The following ASXL3 variants were observed in gnomAD, a reference collection of about 807,000 sequenced individuals.
The protein encoded by ASXL3 is ASXL transcriptional regulator 3, also known as putative Polycomb group protein ASXL3.
Under a neutral mutation model 170.6 loss-of-function variants are expected in ASXL3, and 34 were observed. The ratio of observed to expected loss-of-function variants is 0.20; its 90% CI spans 0.15 to 0.27. The LOEUF (loss-of-function observed/expected upper bound fraction) is 0.27, where lower values mean the gene tolerates loss of function less well. Ranked by LOEUF, ASXL3 falls within the 10% of genes least tolerant of loss-of-function variation. The pLI is 1.00. For synonymous variants in ASXL3, 1,002 were observed against 989.1 expected, an observed-to-expected ratio of 1.01 and a Z score of -0.24; for missense variants, 2,592 against 2,695.3, an observed-to-expected ratio of 0.96 and a Z score of 0.85.
intron 1 of ASXL3, among the ~76,000 whole-genome samples, chr18:33,597,768 A>G (rs2065142060): frequency 1.3e-5 from 2 of 149,418 alleles, no homozygotes; most frequent in Admixed American, 1.3e-4. Flanking sequence ...GAATTAATGT[A>G]TTGGTGTCTC....
chr18:33,578,260 G>A lies in ASXL3; in HGVS notation c.-372G>A, dbSNP rs1413137106. On this transcript the variant is annotated 5_prime_UTR_variant, in exon 1 of 12. Transcript: ENST00000269197. ...AGCGGGGCCGAGCGGAGCATCCCCG[G>A]AGCTGTCACCGCAGCGGCCGCGGCG... is the stretch of plus-strand genomic sequence containing the variant. 6.7e-6 allele frequency: 1 copy of A among 150,132 alleles called. No individual in the cohort carries two copies. The highest frequency in any genetic ancestry group is 1.5e-5 in the Non-Finnish European group (1 of 67,458). The allele number at this position is 150,132 out of a possible 1,614,324, so 9.3% of individuals were successfully genotyped here.
At chr18:33,638,799 T>A (rs950109519) in intron 2 of ASXL3, among the ~76,000 whole-genome samples, 2 of 152,150 alleles carry the variant, frequency 1.3e-5, no homozygotes, top group Non-Finnish European at 2.9e-5. Context: ...TAGATAATAG[T>A]TGTGAAAGCC....
At chr18:33,738,101 T>G (rs2067579203) in intron 10 of ASXL3, among the ~76,000 whole-genome samples, 2 of 152,066 alleles carry the variant, frequency 1.3e-5, no homozygotes, top group Non-Finnish European at 2.9e-5. Context: ...GAGTTTTAGT[T>G]GAGATTATAA....
At chr18:33,580,879 A>G (rs1263902227) in intron 1 of ASXL3, among the ~76,000 whole-genome samples, 1 of 152,184 alleles carries the variant, frequency 6.6e-6, no homozygotes, top group Non-Finnish European at 1.5e-5. Context: ...ATAAATGTGT[A>G]TGTATTCAAA....
chr18:33,682,067 G>C (rs1568324907), intron 7 of ASXL3, among the ~76,000 whole-genome samples: 2 of 151,964 alleles, frequency 1.3e-5, no homozygotes, highest in Admixed American at 1.3e-4. Context: ...TTTGTCTTTA[G>C]TTATTTAAAA....
At chr18:33,665,758 T>G (rs546025099) in intron 5 of ASXL3, among the ~76,000 whole-genome samples, 1 of 149,790 alleles carries the variant, frequency 6.7e-6, no homozygotes, top group African/African-American at 2.4e-5. Context: ...TATTTAAAGG[T>G]TTTTTTTTTC....
chr18:33,703,805 A>G (rs1226595849), intron 8 of ASXL3, among the ~76,000 whole-genome samples: 1 of 152,098 alleles, frequency 6.6e-6, no homozygotes, highest in Non-Finnish European at 1.5e-5. Context: ...ATTTAGCAGA[A>G]TTTTTGAATA....
intron 4 of ASXL3, among the ~76,000 whole-genome samples, chr18:33,647,648 G>A (rs1036614655): frequency 1.3e-5 from 2 of 152,048 alleles, no homozygotes; most frequent in African/African-American, 4.8e-5. Flanking sequence ...ACTCTTGCCT[G>A]GGTGAGCGCT....
chr18:33,696,275 AT>A (rs1266701482), intron 8 of ASXL3, among the ~76,000 whole-genome samples: 2 of 152,178 alleles, frequency 1.3e-5, no homozygotes, highest in Admixed American at 6.6e-5. Flanking sequence ...GTTAAAGTTC[AT>A]TGTAAAGGAA....
chr18:33,721,246 T>C (rs921008153), intron 8 of ASXL3, among the ~76,000 whole-genome samples: 4 of 152,038 alleles, frequency 2.6e-5, no homozygotes, highest in Admixed American at 2.0e-4. Context: ...AGACAGGTCA[T>C]GTGGTGGGAT....
chr18:33,685,974 A>G (rs1314877004), intron 8 of ASXL3, among the ~76,000 whole-genome samples: 1 of 152,272 alleles, frequency 6.6e-6, no homozygotes, highest in Non-Finnish European at 1.5e-5. Context: ...CCCCCAAAAC[A>G]TATCAACAAT....
chr18:33,581,880 A>G (rs1031043773), intron 1 of ASXL3, among the ~76,000 whole-genome samples: 89 of 152,328 alleles, frequency 5.8e-4, no homozygotes, highest in African/African-American at 1.9e-3. Flanking sequence ...TCAGGAATGC[A>G]GTGATTATTA....
rs1195375418 is a variant in ASXL3, at chr18:33,713,233, T to TTTTTGTTTTG, written c.880-18725_880-18716dup. 2.1e-3 allele frequency among the ~76,000 whole-genome samples: 156 copies of TTTTTGTTTTG among 74,840 alleles called. 2 individuals carry two copies. Among genetic ancestry groups the TTTTTGTTTTG allele is most frequent in the African/African-American group, 0.011 (139 of 13,094 alleles). The allele number at this position is 74,840 out of a possible 152,430, so 49.1% of individuals were successfully genotyped here. On this transcript the variant is annotated intron_variant, in intron 8 of 11. Coordinates refer to ENST00000269197, the MANE Select transcript of ASXL3 (RefSeq NM_030632.3). ...TTAGCAATCTACCACAAGAAGGTTT[T>TTTTTGTTTTG]TTTTGTTTTGTTTTGTTTTTTTTTT...
At chr18:33,597,333 A>G (rs2065137314) in intron 1 of ASXL3, among the ~76,000 whole-genome samples, 1 of 152,036 alleles carries the variant, frequency 6.6e-6, no homozygotes, top group Admixed American at 6.6e-5. Flanking sequence ...GTTCTTCAAC[A>G]TGTTTATTTT....
chr18:33,680,682 T>C (rs1320778183), intron 7 of ASXL3, among the ~76,000 whole-genome samples: 1 of 152,054 alleles, frequency 6.6e-6, no homozygotes, highest in Non-Finnish European at 1.5e-5. Context: ...AAATTATTCC[T>C]TATACACTTA....
intron 2 of ASXL3, 142 bp downstream of exon 2, chr18:33,607,818 G>A (rs946307734): frequency 1.9e-5 from 13 of 699,952 alleles, no homozygotes; most frequent in East Asian, 8.2e-5. Context: ...TTAAGAAATC[G>A]TTGGATGATT....
intron 9 of ASXL3, among the ~76,000 whole-genome samples, chr18:33,734,108 C>CTTCTAAAGCATTTAGCTTTAGCATTT (rs2067503239): frequency 6.9e-6 from 1 of 144,776 alleles, no homozygotes; most frequent in Admixed American, 6.8e-5. Context: ...CTTTAGCATT[C>CTTCTAAAGCATTTAGCTTTAGCATTT]TTCTAAAGCA....
chr18:33,716,481 A>C (rs2067167383), intron 8 of ASXL3, among the ~76,000 whole-genome samples: 2 of 152,194 alleles, frequency 1.3e-5, no homozygotes, highest in Admixed American at 1.3e-4. Context: ...AAAAGCATGA[A>C]GGTTTGACAT....
chr18:33,632,291 T>G (rs1056115129), intron 2 of ASXL3, among the ~76,000 whole-genome samples: 1 of 152,168 alleles, frequency 6.6e-6, no homozygotes, highest in African/African-American at 2.4e-5. Flanking sequence ...TCATATAGTT[T>G]TCTGAAGTTT....
Sources: allele counts gnomAD v4.1 joint callset (sites outside exome capture counted in the v4.1 genomes callset), GRCh38; gene constraint gnomAD v4.1.1; transcripts MANE v1.5; gene names NCBI Gene and HGNC (gene_info 2026-07-23, HGNC 2026-07-21).